Variants in CTNNA3 observed in about 807,000 individuals in gnomAD.
CTNNA3 encodes catenin alpha 3.
In CTNNA3, 76 loss-of-function variants were observed where a neutral mutation model predicts 95.7. That is an observed-to-expected ratio of 0.79 (90% CI 0.66 to 0.96). The LOEUF (loss-of-function observed/expected upper bound fraction) is 0.96. CTNNA3 is among the 40% of genes least tolerant of loss of function. The pLI, the probability that CTNNA3 is intolerant of heterozygous loss-of-function variation, is 0.00. For missense variants in CTNNA3, 1,191 were observed against 1,089.8 expected (o/e 1.09, Z -1.31); for synonymous variants, 431 against 374.4 (o/e 1.15, Z -1.74).
At chr10:66,877,648 G>A (rs2132457918) in intron 7 of CTNNA3, among the ~76,000 whole-genome samples, 2 of 152,196 alleles carry the variant, frequency 1.3e-5, no homozygotes, top group Middle Eastern at 6.8e-3. Context: ...AATAAATCCA[G>A]CTTTCCTGCT....
In CTNNA3 at chr10:66,231,029, G is replaced by A. The variant is rs186263645; in HGVS notation, c.1884+49441C>T. On this transcript the variant is annotated intron_variant, in intron 13 of 17. Transcript: ENST00000433211. ...GGTGGTGGCTCTTCTCTAAAAATGG[G>A]GCCATGCTGTGGCAGCTTGGGTCTT... 2.6e-5 allele frequency among the ~76,000 whole-genome samples: 4 copies of A among 152,194 alleles called. No homozygotes were observed. In the East Asian group the frequency reaches 7.8e-4, roughly 30 times the overall value.
In CTNNA3 at chr10:66,042,665, C is replaced by T. The variant is rs143557116; in HGVS notation, c.2159+26643G>A. On this transcript the variant is annotated intron_variant, in intron 15 of 17. Coordinates refer to ENST00000433211, the MANE Select transcript of CTNNA3 (RefSeq NM_013266.4). ...CTCTAATCCCAGCACTTTGGGAGGC[C>T]GAGGCGGGTGGATCACTTGACGTCA... Among the ~76,000 whole-genome samples the T allele has an allele frequency of 7.7e-3, 1,160 of 151,568 alleles. 11 individuals are homozygous for T. The highest frequency in any genetic ancestry group is 0.027 in the African/African-American group (1,116 of 41,322).
At chr10:66,824,743 C>T (rs1842433671) in intron 7 of CTNNA3, among the ~76,000 whole-genome samples, 1 of 152,086 alleles carries the variant, frequency 6.6e-6, no homozygotes, top group Non-Finnish European at 1.5e-5. Flanking sequence ...TCTTCAAAAC[C>T]ATCAAGGTCA....
chr10:67,236,547 A>C (rs1365327782), intron 5 of CTNNA3, among the ~76,000 whole-genome samples: 20 of 151,636 alleles, frequency 1.3e-4, no homozygotes, highest in African/African-American at 4.9e-4. Flanking sequence ...GCATTGGGAG[A>C]TATACCTAAT....
At chr10:67,211,584 A>G (rs2132242376) in intron 6 of CTNNA3, among the ~76,000 whole-genome samples, 1 of 152,316 alleles carries the variant, frequency 6.6e-6, no homozygotes, top group Non-Finnish European at 1.5e-5. Context: ...AGCAATTACT[A>G]TGTACCTGGC....
At chr10:66,649,665 C>T (rs1845827156) in intron 9 of CTNNA3, among the ~76,000 whole-genome samples, 1 of 152,188 alleles carries the variant, frequency 6.6e-6, no homozygotes, top group African/African-American at 2.4e-5. Flanking sequence ...ATAGCTCCCA[C>T]AGCCCTGGGA....
In CTNNA3 at chr10:66,681,077, G is replaced by A. The variant is rs74141637; in HGVS notation, c.1282-59293C>T. Among the ~76,000 whole-genome samples the A allele has an allele frequency of 9.1e-3, 1,388 of 152,304 alleles. 24 individuals carry two copies. The highest frequency in any genetic ancestry group is 0.031 in the African/African-American group (1,279 of 41,574). On this transcript the variant is annotated intron_variant, in intron 9 of 17. Coordinates refer to ENST00000433211, the MANE Select transcript of CTNNA3 (RefSeq NM_013266.4). ...TTTGTGGAATTTCACTGATGAAACA[G>A]TTTGTGCCATGGCTGGAGAAAAGCA...
intron 11 of CTNNA3, among the ~76,000 whole-genome samples, chr10:66,415,144 A>T (rs973841691): frequency 6.6e-6 from 1 of 152,112 alleles, no homozygotes; most frequent in Non-Finnish European, 1.5e-5. Flanking sequence ...CCCGCTCCTG[A>T]CTACCATGGC....
chr10:67,435,005 T>C (rs1846251183), intron 5 of CTNNA3, among the ~76,000 whole-genome samples: 1 of 152,184 alleles, frequency 6.6e-6, no homozygotes, highest in South Asian at 2.1e-4. Context: ...ATGTTATGCC[T>C]ATTGTTCCGA....
chr10:67,294,094 C>T (rs1398359646), intron 5 of CTNNA3, among the ~76,000 whole-genome samples: 1 of 152,092 alleles, frequency 6.6e-6, no homozygotes. Context: ...GTTATAGATT[C>T]TATTTGGAAG....
At chr10:66,235,561 T>C (rs1346549767) in intron 13 of CTNNA3, among the ~76,000 whole-genome samples, 1 of 149,498 alleles carries the variant, frequency 6.7e-6, no homozygotes, top group African/African-American at 2.6e-5. Context: ...CCTAATGCCT[T>C]CTTTAAGTGA....
At chr10:66,301,606 AGGC>A (rs2091864750) in intron 12 of CTNNA3, among the ~76,000 whole-genome samples, 2 of 152,004 alleles carry the variant, frequency 1.3e-5, no homozygotes, top group African/African-American at 4.8e-5. Context: ...TCATATCATT[AGGC>A]TAAAGAAGAA....
chr10:67,547,464 C>A lies in CTNNA3; in HGVS notation c.293-7795G>T, dbSNP rs536632107. Among the ~76,000 whole-genome samples the A allele has an allele frequency of 1.8e-4, 28 of 152,262 alleles. No individual in the cohort carries two copies. The East Asian group carries it at 5.0e-3, about 27-fold the overall frequency. Reference sequence around the variant, plus strand: ...GCTTCACCTTACTAGAAATTCAAGTCCCACAGCTGTGATCAGAGCAATAAA... The same window carrying A: ...GCTTCACCTTACTAGAAATTCAAGTACCACAGCTGTGATCAGAGCAATAAA... On this transcript the variant is annotated intron_variant, in intron 3 of 17. Transcript: ENST00000433211.
intron 13 of CTNNA3, among the ~76,000 whole-genome samples, chr10:66,137,367 T>C (rs1478239445): frequency 6.6e-6 from 1 of 152,048 alleles, no homozygotes; most frequent in African/African-American, 2.4e-5. Context: ...TTCAAAATTA[T>C]AAATGTCATG....
rs374556002 is a variant in CTNNA3 at position 66,481,564 on chromosome 10, C to T, written c.1531+39053G>A. On this transcript the variant is annotated intron_variant, in intron 11 of 17. Coordinates refer to ENST00000433211, the MANE Select transcript of CTNNA3 (RefSeq NM_013266.4). The stretch of plus-strand genomic sequence containing the variant: ...TCGGCTCACTGCAAGCTCCGCCTCC[C>T]GGGTTCACGCCATTCTCCTGCCTCA... 1.1e-3 allele frequency among the ~76,000 whole-genome samples: 147 copies of T among 128,838 alleles called. 8 individuals carry two copies. In the South Asian group the frequency reaches 0.012, roughly 11 times the overall value. The allele number at this position is 128,838 out of a possible 152,430, so 84.5% of individuals were successfully genotyped here. A position where few individuals can be genotyped will look rare whatever the true frequency, so the allele number is the denominator to read the frequency against.
At chr10:67,739,377 G>A (rs1169222805) in intron 1 of CTNNA3, among the ~76,000 whole-genome samples, 3 of 152,242 alleles carry the variant, frequency 2.0e-5, no homozygotes, top group African/African-American at 4.8e-5. Flanking sequence ...GTCCCTGTTT[G>A]CAGATGACAT....
At chr10:67,002,654 G>GTATT (rs1851753941) in intron 7 of CTNNA3, among the ~76,000 whole-genome samples, 1 of 152,104 alleles carries the variant, frequency 6.6e-6, no homozygotes, top group Non-Finnish European at 1.5e-5. Flanking sequence ...ACTGGGCCAT[G>GTATT]TATTTCAGGA....
chr10:66,069,497 A>G lies in CTNNA3; in HGVS notation c.1978-8T>C, dbSNP rs1325970068. The G allele has an allele frequency of 1.3e-6, 2 of 1,597,082 alleles. No individual in the cohort carries two copies. The highest frequency in any genetic ancestry group is 1.1e-5 in the South Asian group (1 of 88,614). ...CAGTTGAGTCATCTTAGCCTAAAAC[A>G]TGTGATAATTAGAGTTAAAATCATT... On this transcript the variant is annotated splice_polypyrimidine_tract_variant and splice_region_variant and intron_variant, in intron 14 of 17. Transcript: ENST00000433211.
At chr10:67,028,464 AG>A (rs1853521941) in intron 7 of CTNNA3, among the ~76,000 whole-genome samples, 1 of 152,092 alleles carries the variant, frequency 6.6e-6, no homozygotes, top group Non-Finnish European at 1.5e-5. Flanking sequence ...AAAATCTAGA[AG>A]GTAGTACTTG....
Sources: gnomAD v4.1 joint callset for allele counts (sites outside exome capture counted in the v4.1 genomes callset) on GRCh38, gnomAD v4.1.1 for gene constraint, MANE v1.5 for transcripts, NCBI Gene and HGNC (gene_info 2026-07-23, HGNC 2026-07-21) for gene names.